WDR7: variants seen among roughly 807,000 people sequenced by gnomAD.
WDR7 encodes the protein WD repeat-containing protein 7.
In WDR7, 46 loss-of-function variants were observed where a neutral mutation model predicts 169.4. The ratio of observed to expected loss-of-function variants is 0.27; its 90% CI spans 0.21 to 0.35. The LOEUF (loss-of-function observed/expected upper bound fraction) is 0.35, where lower values mean the gene tolerates loss of function less well. Ranked by LOEUF, WDR7 falls within the 10% of genes least tolerant of loss-of-function variation. The pLI, the probability that WDR7 is intolerant of heterozygous loss-of-function variation, is 1.00. For missense variants in WDR7, 1,534 were observed against 1,859.3 expected, an observed-to-expected ratio of 0.83 and a Z score of 3.22; for synonymous variants, 612 against 666.8, an observed-to-expected ratio of 0.92 and a Z score of 1.27.
At chr18:56,840,628 C>T (rs1853676266) in intron 20 of WDR7, among the ~76,000 whole-genome samples, 1 of 152,026 alleles carries the variant, frequency 6.6e-6, no homozygotes, top group African/African-American at 2.4e-5. Flanking sequence ...TGAGACCAGC[C>T]TGGGCAACAT....
chr18:56,795,358 C>T (rs950195711), intron 19 of WDR7, among the ~76,000 whole-genome samples: 3 of 152,118 alleles, frequency 2.0e-5, no homozygotes, highest in Non-Finnish European at 2.9e-5. Flanking sequence ...TTTAAGATCG[C>T]AAAAAGTGCT....
chr18:56,835,561 G>A (rs2045382686), intron 20 of WDR7, among the ~76,000 whole-genome samples: 1 of 152,202 alleles, frequency 6.6e-6, no homozygotes, highest in Non-Finnish European at 1.5e-5. Context: ...ATTGTTGTGG[G>A]ATAGGGTAGG....
rs1239345300 is a variant in WDR7 at position 57,028,300 on chromosome 18, C to T, written c.*1093C>T. 2.0e-5 allele frequency: 3 copies of T among 152,156 alleles called. No individual in the cohort carries two copies. Among genetic ancestry groups the T allele is most frequent in the Admixed American group, 6.5e-5 (1 of 15,280 alleles). The allele number at this position is 152,156 out of a possible 1,614,324, so 9.4% of individuals were successfully genotyped here. A position where few individuals can be genotyped will look rare whatever the true frequency, so the allele number is the denominator to read the frequency against. ...AGGAGTGTATATAAAAATATGTGGG[C>T]TCTCGATTTATTTGAGCAAACATTG... is the stretch of plus-strand genomic sequence containing the variant. On this transcript the variant is annotated 3_prime_UTR_variant, in exon 28 of 28. Coordinates refer to ENST00000254442, the MANE Select transcript of WDR7 (RefSeq NM_015285.3).
intron 19 of WDR7, among the ~76,000 whole-genome samples, chr18:56,792,091 G>A (rs987189144): frequency 1.3e-5 from 2 of 152,034 alleles, no homozygotes; most frequent in African/African-American, 4.8e-5. Flanking sequence ...GATCACGGCT[G>A]ACTGCAACCT....
intron 19 of WDR7, among the ~76,000 whole-genome samples, chr18:56,792,899 C>A (rs72921083): frequency 6.6e-6 from 1 of 151,866 alleles, no homozygotes; most frequent in African/African-American, 2.4e-5. Flanking sequence ...TGTTGTCATG[C>A]GGGACAACTT....
intron 19 of WDR7, among the ~76,000 whole-genome samples, chr18:56,802,529 T>A (rs1568203562): frequency 6.7e-6 from 1 of 149,360 alleles, no homozygotes; most frequent in Non-Finnish European, 1.5e-5. Context: ...GCTAATTTTT[T>A]TTTTTTTTTT....
At chr18:56,777,804 T>C (rs2044262983) in intron 17 of WDR7, among the ~76,000 whole-genome samples, 1 of 152,132 alleles carries the variant, frequency 6.6e-6, no homozygotes. Context: ...AAAGAAAACA[T>C]GGGGACTTAA....
At chr18:56,712,934 T>C (rs1047329062) in intron 12 of WDR7, among the ~76,000 whole-genome samples, 2 of 152,164 alleles carry the variant, frequency 1.3e-5, no homozygotes, top group Non-Finnish European at 2.9e-5. Context: ...TCACCTGTTT[T>C]GCATACCAGA....
chr18:56,811,836 A>C (rs752920626), intron 19 of WDR7, among the ~76,000 whole-genome samples: 5 of 152,172 alleles, frequency 3.3e-5, no homozygotes, highest in Non-Finnish European at 5.9e-5. Context: ...CATTAACATA[A>C]TGTTTATTAC....
chr18:56,729,816 A>G (rs1369218905), intron 13 of WDR7, among the ~76,000 whole-genome samples: 1 of 152,212 alleles, frequency 6.6e-6, no homozygotes, highest in Non-Finnish European at 1.5e-5. Flanking sequence ...TAAAAAAATT[A>G]CTAATTTTTA....
chr18:56,896,146 A>G (rs541166564), intron 21 of WDR7, among the ~76,000 whole-genome samples: 127 of 151,996 alleles, frequency 8.4e-4, no homozygotes, highest in African/African-American at 2.9e-3. Context: ...TGTAAGACTT[A>G]TAGAAAAAAA....
intron 26 of WDR7, among the ~76,000 whole-genome samples, chr18:56,984,578 G>A (rs1479346239): frequency 1.3e-5 from 2 of 152,100 alleles, no homozygotes; most frequent in Non-Finnish European, 1.5e-5. Flanking sequence ...AAAAAACTTG[G>A]TTAAACTTTG....
chr18:56,849,133 A>T (rs1157090190), intron 20 of WDR7, among the ~76,000 whole-genome samples: 1 of 151,974 alleles, frequency 6.6e-6, no homozygotes, highest in African/African-American at 2.4e-5. Flanking sequence ...TTCACAGCTG[A>T]TACATATGCT....
At chr18:56,817,570 A>G (rs2045000827) in intron 20 of WDR7, among the ~76,000 whole-genome samples, 2 of 152,228 alleles carry the variant, frequency 1.3e-5, no homozygotes, top group African/African-American at 4.8e-5. Context: ...AAATGAGATG[A>G]TGATGGTGGC....
chr18:56,776,807 G>A lies in WDR7; in HGVS notation c.2874G>A (p.Arg958=). Residue 958 remains arginine, a synonymous_variant, in exon 17 of 28, where the codon CGG becomes CGA. Transcript: ENST00000254442. ...TTGCTGCACCTGTCGTTTCCGCTCGGTCTGATGCTGATCACTCTGGCTCTG... is the reference window on the plus strand; with the variant it reads ...TTGCTGCACCTGTCGTTTCCGCTCGATCTGATGCTGATCACTCTGGCTCTG... ...KQVAAPVVSA[R]SDADHSGSDP... is the part of the protein sequence containing the mutation. 6.2e-7 allele frequency: 1 copy of A among 1,613,742 alleles called. No homozygotes were observed. Among genetic ancestry groups the A allele is most frequent in the Non-Finnish European group, 8.5e-7 (1 of 1,179,874 alleles).
intron 14 of WDR7, among the ~76,000 whole-genome samples, chr18:56,751,289 G>A (rs756387374): frequency 2.1e-4 from 32 of 152,266 alleles, no homozygotes; most frequent in Non-Finnish European, 4.4e-4. Flanking sequence ...TGCCGAAAGC[G>A]GGCATGTGGG....
intron 25 of WDR7, among the ~76,000 whole-genome samples, chr18:56,959,483 T>C (rs1174676044): frequency 4.6e-5 from 7 of 152,122 alleles, no homozygotes; most frequent in Admixed American, 3.3e-4. Context: ...GCTTCACAGT[T>C]TCCTTGTGGT....
At chr18:56,781,490 A>C in intron 18 of WDR7, 43 bp from the exon 19 acceptor site, 1 of 1,498,786 alleles carries the variant, frequency 6.7e-7, no homozygotes. Context: ...CACCTCCTCA[A>C]CTAATCTGCT....
chr18:56,862,551 A>G lies in WDR7; in HGVS notation c.3305-17393A>G, dbSNP rs148842971. On this transcript the variant is annotated intron_variant, in intron 20 of 27. Transcript: ENST00000254442. Reference sequence around the variant, plus strand: ...TGCCTGTTTTATATCTTTACATTTCAGTATAGTTGTTTTAGTTTTTAGAAC... The same window carrying G: ...TGCCTGTTTTATATCTTTACATTTCGGTATAGTTGTTTTAGTTTTTAGAAC... Among the ~76,000 whole-genome samples, 242 of 151,808 alleles carry G rather than the reference A, an allele frequency of 1.6e-3. 1 individual carries two copies. The highest frequency in any genetic ancestry group is 5.4e-3 in the African/African-American group (226 of 41,540).
Sources: gnomAD v4.1 joint callset for allele counts (sites outside exome capture counted in the v4.1 genomes callset) on GRCh38, gnomAD v4.1.1 for gene constraint, MANE v1.5 for transcripts, NCBI Gene and HGNC (gene_info 2026-07-23, HGNC 2026-07-21) for gene names.